PCDH15: variants seen among roughly 807,000 people sequenced by gnomAD.
The protein encoded by PCDH15 is protocadherin-15.
Under a neutral mutation model 178.5 loss-of-function variants are expected in PCDH15, and 129 were observed. The ratio of observed to expected loss-of-function variants is 0.72; its 90% CI spans 0.63 to 0.84. The LOEUF is 0.84. Among genes scored for constraint, PCDH15 ranks in the 40% least tolerant of loss-of-function variants. The probability of loss-of-function intolerance (pLI) is 0.00; values close to 1 mark genes in which losing one functional copy is unlikely to be tolerated. For missense variants in PCDH15, 2,230 were observed against 2,099.9 expected (o/e 1.06, Z -1.21); for synonymous variants, 800 against 732.0 (o/e 1.09, Z -1.50).
chr10:53,901,430 C>T (rs963365103), intron 26 of PCDH15, among the ~76,000 whole-genome samples: 1 of 152,006 alleles, frequency 6.6e-6, no homozygotes, highest in South Asian at 2.1e-4. Flanking sequence ...TCCTTTAACC[C>T]CCTTCTCAAG....
intron 8 of PCDH15, among the ~76,000 whole-genome samples, chr10:54,298,078 G>A (rs1345244248): frequency 6.6e-6 from 1 of 152,056 alleles, no homozygotes; most frequent in East Asian, 1.9e-4. Context: ...GTTCTAGAAG[G>A]ACTAAGGAGA....
chr10:54,556,024 G>T (rs944238588), intron 2 of PCDH15, among the ~76,000 whole-genome samples: 1 of 152,142 alleles, frequency 6.6e-6, no homozygotes, highest in South Asian at 2.1e-4. Flanking sequence ...CGAATACTAT[G>T]CACTAGTCCT....
intron 2 of PCDH15, among the ~76,000 whole-genome samples, chr10:55,611,525 G>A (rs1281772187): frequency 6.6e-6 from 1 of 151,916 alleles, no homozygotes; most frequent in Non-Finnish European, 1.5e-5. Context: ...AGGATTTGAA[G>A]AAAAGAGAAC....
At chr10:55,624,809 G>A (rs2463945) in intron 2 of PCDH15, among the ~76,000 whole-genome samples, 36,058 of 151,918 alleles carry the variant, frequency 0.24, 5,611 homozygotes, top group Non-Finnish European at 0.35. Flanking sequence ...TCAATAAAAT[G>A]ACCAGACTCA....
chr10:53,860,952 G>A (rs1226736017), intron 27 of PCDH15, among the ~76,000 whole-genome samples: 1 of 152,010 alleles, frequency 6.6e-6, no homozygotes, highest in African/African-American at 2.4e-5. Context: ...ACTACCGGGA[G>A]TAGTTGTCCC....
At chr10:55,204,342 A>G (rs1352245211) in intron 1 of PCDH15, among the ~76,000 whole-genome samples, 1 of 151,230 alleles carries the variant, frequency 6.6e-6, no homozygotes, top group Non-Finnish European at 1.5e-5. Context: ...TTGTTTACAT[A>G]TACACACATG....
intron 2 of PCDH15, among the ~76,000 whole-genome samples, chr10:54,572,273 C>T (rs1056606042): frequency 3.3e-5 from 5 of 152,078 alleles, no homozygotes; most frequent in African/African-American, 9.7e-5. Flanking sequence ...AAGAACCTAA[C>T]TGAACTCCTG....
chr10:53,942,805 TA>T (rs2086186495), intron 23 of PCDH15, among the ~76,000 whole-genome samples: 1 of 152,194 alleles, frequency 6.6e-6, no homozygotes, highest in African/African-American at 2.4e-5. Context: ...AGGACACAGC[TA>T]ACCCATGCCT....
chr10:55,031,882 AC>A (rs1591846661), intron 2 of PCDH15, among the ~76,000 whole-genome samples: 2 of 152,256 alleles, frequency 1.3e-5, no homozygotes, highest in East Asian at 3.9e-4. Flanking sequence ...TTTATAAATT[AC>A]CCAGTCTGTA....
chr10:54,269,852 A>T (rs569800277), intron 8 of PCDH15, among the ~76,000 whole-genome samples: 17 of 152,154 alleles, frequency 1.1e-4, no homozygotes, highest in African/African-American at 3.8e-4. Flanking sequence ...CATCTTAACA[A>T]CAAGGACCCA....
At chr10:54,834,784 G>A (rs758458541) in intron 3 of PCDH15, among the ~76,000 whole-genome samples, 15 of 152,094 alleles carry the variant, frequency 9.9e-5, no homozygotes, top group South Asian at 2.1e-4. Context: ...TGTTACTTTT[G>A]CACTTGTCCT....
At chr10:54,398,473 C>G (rs1203237168) in intron 3 of PCDH15, among the ~76,000 whole-genome samples, 2 of 151,884 alleles carry the variant, frequency 1.3e-5, no homozygotes, top group African/African-American at 4.8e-5. Context: ...CCTAACAATA[C>G]TAGCTAATAA....
chr10:55,073,106 A>T, intron 2 of PCDH15, among the ~76,000 whole-genome samples: 1 of 152,134 alleles, frequency 6.6e-6, no homozygotes, highest in East Asian at 1.9e-4. Context: ...TCTCAAAATA[A>T]TAAGAGCTAT....
chr10:54,312,564 T>C (rs1349583336), intron 8 of PCDH15, among the ~76,000 whole-genome samples: 1 of 152,062 alleles, frequency 6.6e-6, no homozygotes, highest in Non-Finnish European at 1.5e-5. Context: ...GGGAAGCTTG[T>C]TGTGACAACC....
intron 1 of PCDH15, among the ~76,000 whole-genome samples, chr10:55,280,301 G>A (rs1454935565): frequency 2.4e-5 from 3 of 124,358 alleles, no homozygotes; most frequent in African/African-American, 3.3e-5. Flanking sequence ...TTTTTGAGAC[G>A]GTGTTTTGCT....
chr10:53,811,676 C>A, intron 35 of PCDH15, 57 bp from the exon 36 acceptor site: 2 of 1,135,848 alleles, frequency 1.8e-6, no homozygotes, highest in South Asian at 1.7e-5. Context: ...CGTTTCAGGT[C>A]AAAGTCAGAT....
At chr10:55,063,971 A>G (rs552579216) in intron 2 of PCDH15, among the ~76,000 whole-genome samples, 2 of 152,118 alleles carry the variant, frequency 1.3e-5, no homozygotes, top group Non-Finnish European at 1.5e-5. Context: ...ATTTTGTTTC[A>G]TGCCTTTAGA....
intron 2 of PCDH15, among the ~76,000 whole-genome samples, chr10:55,529,741 G>GTATATATATATA (rs56254743): frequency 0.066 from 4,107 of 62,274 alleles, 267 homozygotes; most frequent in Non-Finnish European, 0.078. Flanking sequence ...TTGTCTGTGA[G>GTATATATATATA]TATATATATA....
intron 2 of PCDH15, among the ~76,000 whole-genome samples, chr10:55,008,910 A>G (rs1839990496): frequency 6.6e-6 from 1 of 151,622 alleles, no homozygotes; most frequent in Non-Finnish European, 1.5e-5. Context: ...AAACAAAAAC[A>G]AAAAAAACCT....
Sources: allele counts gnomAD v4.1 joint callset (sites outside exome capture counted in the v4.1 genomes callset), GRCh38; gene constraint gnomAD v4.1.1; transcripts MANE v1.5; gene names NCBI Gene and HGNC (gene_info 2026-07-23, HGNC 2026-07-21).